EPB41L3: variants seen among roughly 807,000 people sequenced by gnomAD.
EPB41L3 encodes the protein erythrocyte membrane protein band 4.1 like 3.
EPB41L3 carries 57 observed loss-of-function variants against 127.1 expected under a neutral mutation model. That is an observed-to-expected ratio of 0.45 (90% CI 0.36 to 0.56). EPB41L3 has a LOEUF of 0.56. Ranked by LOEUF, EPB41L3 falls within the 20% of genes least tolerant of loss-of-function variation. EPB41L3 has a pLI of 0.00. For missense variants in EPB41L3, 1,273 were observed against 1,372.2 expected, an observed-to-expected ratio of 0.93 and a Z score of 1.14; for synonymous variants, 572 against 549.5, an observed-to-expected ratio of 1.04 and a Z score of -0.57.
chr18:5,393,971 T>C (rs2072862341), intron 22 of EPB41L3: 1 of 157,600 alleles, frequency 6.3e-6, no homozygotes, highest in Non-Finnish European at 1.4e-5. Flanking sequence ...CTCACATAGA[T>C]GATATAGTCT....
At chr18:5,545,561 A>G (rs1043271748), upstream of EPB41L3, among the ~76,000 whole-genome samples, 1 of 152,218 alleles carries the variant, frequency 6.6e-6, no homozygotes, top group Non-Finnish European at 1.5e-5. Context: ...ATGGGACTAT[A>G]TTCTATAGAT....
chr18:5,392,465 T>A lies in EPB41L3; in HGVS notation c.*1020A>T, dbSNP rs2072581424. 6.6e-6 allele frequency: 1 copy of A among 152,668 alleles called. No homozygotes were observed. The highest frequency in any genetic ancestry group is 1.5e-5 in the Non-Finnish European group (1 of 68,040). The allele number at this position is 152,668 out of a possible 1,614,324, so 9.5% of individuals were successfully genotyped here. Reference sequence around the variant, plus strand: ...GGCTGTGATGCAGGTGATCGTGTAATGGAGAATCTCTCTTTTTGAAGGCTA... The same window carrying A: ...GGCTGTGATGCAGGTGATCGTGTAAAGGAGAATCTCTCTTTTTGAAGGCTA... On this transcript the variant is annotated 3_prime_UTR_variant, in exon 23 of 23. Coordinates refer to ENST00000341928, the MANE Select transcript of EPB41L3 (RefSeq NM_012307.5).
At chr18:5,478,533 A>G (rs2087716707) in intron 2 of EPB41L3, 95 bp from the exon 3 acceptor site, 6 of 1,075,692 alleles carry the variant, frequency 5.6e-6, no homozygotes, top group Non-Finnish European at 8.3e-6. Flanking sequence ...TCTATTTCAT[A>G]GAGGAGAGGT....
intron 1 of EPB41L3, among the ~76,000 whole-genome samples, chr18:5,542,211 C>T (rs2093750449): frequency 6.6e-6 from 1 of 152,198 alleles, no homozygotes; most frequent in Admixed American, 6.5e-5. Context: ...TTCACTGGAG[C>T]TTGATGTGCT....
At chr18:5,540,237 C>T (rs774234174) in intron 1 of EPB41L3, 11 of 647,598 alleles carry the variant, frequency 1.7e-5, no homozygotes, top group Non-Finnish European at 2.1e-5. Flanking sequence ...TACTATTTCA[C>T]AAAAAACAAA....
At chr18:5,617,570 G>A (rs1251154658) in intron 1 of EPB41L3, among the ~76,000 whole-genome samples, 6 of 152,074 alleles carry the variant, frequency 3.9e-5, no homozygotes, top group African/African-American at 4.8e-5. Flanking sequence ...CGCCCGCCTC[G>A]GCCTCCCAAA....
At chr18:5,488,856 G>T in intron 2 of EPB41L3, 145 bp downstream of exon 2, 1 of 844,134 alleles carries the variant, frequency 1.2e-6, no homozygotes, top group Non-Finnish European at 1.7e-6. Context: ...CCTTAAAATA[G>T]CATACATTTT....
chr18:5,508,178 T>C (rs1248974056), intron 1 of EPB41L3: 1 of 152,224 alleles, frequency 6.6e-6, no homozygotes, highest in Non-Finnish European at 1.5e-5. Context: ...AGCAACTTCT[T>C]ATCTGATACT....
chr18:5,566,586 T>A (rs1050826724), intron 3 of EPB41L3, among the ~76,000 whole-genome samples: 25 of 152,152 alleles, frequency 1.6e-4, no homozygotes, highest in Non-Finnish European at 3.2e-4. Flanking sequence ...ACCAATGACT[T>A]TCTTCACAGA....
intron 3 of EPB41L3, among the ~76,000 whole-genome samples, chr18:5,599,048 C>T (rs1231789245): frequency 6.6e-6 from 1 of 152,192 alleles, no homozygotes; most frequent in Non-Finnish European, 1.5e-5. Flanking sequence ...GAAGAACAAA[C>T]ATGTACTATG....
intron 3 of EPB41L3, among the ~76,000 whole-genome samples, chr18:5,580,812 G>A (rs551298584): frequency 6.6e-6 from 1 of 152,308 alleles, no homozygotes; most frequent in East Asian, 1.9e-4. Flanking sequence ...ACATAGAGTA[G>A]TCCACGCAAG....
At chr18:5,584,028 G>A (rs982425861) in intron 3 of EPB41L3, among the ~76,000 whole-genome samples, 2 of 152,146 alleles carry the variant, frequency 1.3e-5, no homozygotes, top group African/African-American at 2.4e-5. Flanking sequence ...GGCTGGTCTC[G>A]AACCCTCAAC....
intron 2 of EPB41L3, chr18:5,479,645 G>A (rs1366251061): frequency 1.3e-5 from 2 of 151,912 alleles, no homozygotes; most frequent in African/African-American, 4.8e-5. Flanking sequence ...GCAAAGTCTT[G>A]AGAACTTCTT....
At chr18:5,592,242 C>A (rs1163485807) in intron 3 of EPB41L3, among the ~76,000 whole-genome samples, 1 of 152,168 alleles carries the variant, frequency 6.6e-6, no homozygotes, top group Non-Finnish European at 1.5e-5. Flanking sequence ...TCTTGGCTCA[C>A]TGCAACCTCC....
At chr18:5,406,708 T>C (rs1452744705) in intron 16 of EPB41L3, 69 bp downstream of exon 16, 4 of 1,412,586 alleles carry the variant, frequency 2.8e-6, no homozygotes, top group Non-Finnish European at 3.9e-6. Flanking sequence ...TCAAATGCAA[T>C]TCCACACCCT....
intron 3 of EPB41L3, among the ~76,000 whole-genome samples, chr18:5,573,640 G>C (rs1368721424): frequency 6.6e-6 from 1 of 152,088 alleles, no homozygotes; most frequent in Non-Finnish European, 1.5e-5. Flanking sequence ...AGACTAGCAG[G>C]CACCTCAGCA....
rs370717420 is a variant in EPB41L3 at position 5,541,252 on chromosome 18, C to CAAAAAA, written c.-12+2655_-12+2660dup. On this transcript the variant is annotated intron_variant, in intron 1 of 22. Coordinates refer to ENST00000341928, the MANE Select transcript of EPB41L3 (RefSeq NM_012307.5). ...TGGGTGACACAGAAGGACTCCATCT[C>CAAAAAA]AAAAAAAAAAAAAAAAAAAAAAAAA... Among the ~76,000 whole-genome samples, 69 of 46,756 alleles carry CAAAAAA rather than the reference C, an allele frequency of 1.5e-3. 13 individuals carry two copies. The highest frequency in any genetic ancestry group is 6.5e-3 in the African/African-American group (59 of 9,096). 30.7% of individuals were successfully genotyped at this position (46,756 alleles called of 152,430 possible). A position where few individuals can be genotyped will look rare whatever the true frequency, so the allele number is the denominator to read the frequency against.
rs117900256 is a variant in EPB41L3, at chr18:5,478,296, C to T, written c.326G>A (p.Ser109Asn). ...GAGAAGTATCACTTTGCACTGCATG[C>T]TTTTAGGCTTTTTGACAATCTTTAA... ...SPLKIVKKPK[S>N]MQCKVILLDG... The change falls in exon 3 of 23, where the codon AGC becomes AAC. Residue 109 changes from serine to asparagine, a missense_variant. Physicochemically the swap from Ser to Asn is conservative, Grantham distance 46 (BLOSUM62 1). This residue lies in a region of EPB41L3 where 182 missense variants were observed against 149.2 expected (regional missense o/e 1.22). Transcript: ENST00000341928. 1 of 1,614,114 alleles carries T rather than the reference C, an allele frequency of 6.2e-7. No homozygotes were observed. Among genetic ancestry groups the T allele is most frequent in the South Asian group, 1.1e-5 (1 of 91,076 alleles).
intron 1 of EPB41L3, among the ~76,000 whole-genome samples, chr18:5,498,582 G>A (rs1412967246): frequency 3.8e-5 from 3 of 79,156 alleles, no homozygotes; most frequent in Non-Finnish European, 4.4e-5. Context: ...TAACAAGAGC[G>A]AGACTCCATC....
Sources: allele counts gnomAD v4.1 joint callset (sites outside exome capture counted in the v4.1 genomes callset), GRCh38; gene constraint gnomAD v4.1.1; regional missense constraint gnomAD v4.1.1; transcripts MANE v1.5; gene names NCBI Gene and HGNC (gene_info 2026-07-23, HGNC 2026-07-21).